Variants in KIF16B observed in about 807,000 individuals in gnomAD.
The protein encoded by KIF16B is kinesin family member 16B.
Under a neutral mutation model 156.3 loss-of-function variants are expected in KIF16B, and 98 were observed. That is an observed-to-expected ratio of 0.63 (90% CI 0.53 to 0.74). The LOEUF (loss-of-function observed/expected upper bound fraction) is 0.74, where lower values mean the gene tolerates loss of function less well. Ranked by LOEUF, KIF16B falls within the 30% of genes least tolerant of loss-of-function variation. The pLI, the probability that KIF16B is intolerant of heterozygous loss-of-function variation, is 0.00. For synonymous variants in KIF16B, 564 were observed against 583.7 expected (o/e 0.97, Z 0.49); for missense variants, 1,421 against 1,606.5 (o/e 0.88, Z 1.97).
chr20:16,439,249 C>G (rs1462355568), intron 12 of KIF16B, among the ~76,000 whole-genome samples: 1 of 152,176 alleles, frequency 6.6e-6, no homozygotes, highest in African/African-American at 2.4e-5. Context: ...TCACAGCCTG[C>G]CTGAATCTCT....
intron 22 of KIF16B, chr20:16,367,330 A>T (rs1186655319): frequency 6.2e-7 from 1 of 1,612,880 alleles, no homozygotes; most frequent in Non-Finnish European, 8.5e-7. Flanking sequence ...TGAAGGTTTG[A>T]GTTTCTGTAA....
intron 1 of KIF16B, among the ~76,000 whole-genome samples, chr20:16,564,946 A>T (rs898870719): frequency 6.6e-6 from 1 of 152,044 alleles, no homozygotes; most frequent in Non-Finnish European, 1.5e-5. Flanking sequence ...GTCAGGCGTG[A>T]CATTCTACTC....
intron 19 of KIF16B, 107 bp from the exon 20 acceptor site, chr20:16,374,516 T>C (rs1391647043): frequency 1.9e-6 from 2 of 1,080,910 alleles, no homozygotes; most frequent in African/African-American, 3.2e-5. Flanking sequence ...ATCTGTCCTC[T>C]GTGTGCAAAG....
intron 3 of KIF16B, among the ~76,000 whole-genome samples, chr20:16,524,791 G>A (rs1334424047): frequency 6.6e-6 from 1 of 152,152 alleles, no homozygotes; most frequent in Non-Finnish European, 1.5e-5. Context: ...GCCCATCAAT[G>A]ATAGACTGGA....
intron 24 of KIF16B, among the ~76,000 whole-genome samples, chr20:16,315,083 G>A: frequency 6.6e-6 from 1 of 152,090 alleles, no homozygotes; most frequent in East Asian, 1.9e-4. Context: ...ACACTCACAT[G>A]CTCAATCAGA....
chr20:16,442,348 GTATA>G lies in KIF16B; in HGVS notation c.1303-12370_1303-12367del, dbSNP rs60693181. ...ACCATTTCACAATGTGTGTGTGTGT[GTATA>G]TATATATATATATATAAAATAGGTG... On this transcript the variant is annotated intron_variant, in intron 12 of 25. Coordinates refer to ENST00000354981, the MANE Select transcript of KIF16B (RefSeq NM_024704.5). Among the ~76,000 whole-genome samples the G allele has an allele frequency of 3.1e-3, 461 of 149,694 alleles. 5 individuals are homozygous for G. The highest frequency in any genetic ancestry group is 0.025 in the Admixed American group (373 of 15,000).
Position 16,449,603 on chromosome 20 carries a change from C to T in KIF16B, c.1303-19621G>A, listed in dbSNP as rs6105604. ...AATAGAGGTGGGAGATGGTCTAAACCGAGTGGAAGCAAGCATTAAAACCAG... is the reference window on the plus strand; with the variant it reads ...AATAGAGGTGGGAGATGGTCTAAACTGAGTGGAAGCAAGCATTAAAACCAG... On this transcript the variant is annotated intron_variant, in intron 12 of 25. Transcript: ENST00000354981. Among the ~76,000 whole-genome samples the T allele has an allele frequency of 3.9e-5, 6 of 152,182 alleles. No homozygotes were observed. The East Asian group carries it at 9.6e-4, about 24-fold the overall frequency.
intron 25 of KIF16B, among the ~76,000 whole-genome samples, chr20:16,276,981 A>G (rs987759010): frequency 6.6e-6 from 1 of 152,240 alleles, no homozygotes; most frequent in African/African-American, 2.4e-5. Context: ...ATTATACAAC[A>G]CTTCCAGCCC....
intron 23 of KIF16B, among the ~76,000 whole-genome samples, chr20:16,351,327 A>G (rs962196650): frequency 2.0e-5 from 3 of 152,140 alleles, no homozygotes; most frequent in African/African-American, 7.2e-5. Context: ...CTTAACCATC[A>G]ATTTCCCAGG....
intron 25 of KIF16B, among the ~76,000 whole-genome samples, chr20:16,309,252 T>C (rs1272992805): frequency 3.3e-5 from 5 of 152,360 alleles, no homozygotes; most frequent in South Asian, 2.1e-4. Flanking sequence ...GTGGAGCAGA[T>C]AGAAGTTTGG....
chr20:16,449,926 A>G (rs1380758833), intron 12 of KIF16B, among the ~76,000 whole-genome samples: 1 of 152,236 alleles, frequency 6.6e-6, no homozygotes, highest in Non-Finnish European at 1.5e-5. Context: ...GAGGATAACT[A>G]TAAGAATGAA....
At chr20:16,361,492 G>A (rs543135938) in intron 22 of KIF16B, among the ~76,000 whole-genome samples, 19 of 152,166 alleles carry the variant, frequency 1.2e-4, no homozygotes, top group Non-Finnish European at 2.5e-4. Flanking sequence ...GTCTTCGAAG[G>A]CTTGGCAAAT....
chr20:16,293,540 G>A (rs2063341577), intron 25 of KIF16B, among the ~76,000 whole-genome samples: 1 of 152,154 alleles, frequency 6.6e-6, no homozygotes, highest in African/African-American at 2.4e-5. Context: ...AGCTACTAGA[G>A]AGGTGTTTCA....
At chr20:16,282,471 A>G (rs1160130096) in intron 25 of KIF16B, among the ~76,000 whole-genome samples, 1 of 151,906 alleles carries the variant, frequency 6.6e-6, no homozygotes, top group Non-Finnish European at 1.5e-5. Context: ...GTGACTTGGG[A>G]CCCCAGGGGA....
In KIF16B at chr20:16,380,080, C is replaced by A. The variant is rs747897403; in HGVS notation, c.1922G>T (p.Arg641Leu). ...GAGCTGCACGATTTCTGTCTCCTTG[C>A]GCTGGGTCTCCACCTCCTGCTGCAT... ...ERMQQEVETQ[R>L]KETEIVQLQI... Residue 641 changes from arginine to leucine, a missense_variant, in exon 19 of 26, where the codon CGC becomes CTC. Coordinates refer to ENST00000354981, the MANE Select transcript of KIF16B (RefSeq NM_024704.5). The A allele has an allele frequency of 6.5e-7, 1 of 1,542,080 alleles. No individual in the cohort carries two copies. The highest frequency in any genetic ancestry group is 8.7e-7 in the Non-Finnish European group (1 of 1,149,566).
intron 17 of KIF16B, among the ~76,000 whole-genome samples, chr20:16,396,906 G>C (rs200054520): frequency 2.0e-5 from 2 of 98,050 alleles, no homozygotes; most frequent in Non-Finnish European, 3.9e-5. Flanking sequence ...CCTGATTTTT[G>C]ATATTCTAAC....
Position 16,379,574 on chromosome 20 carries a change from C to T in KIF16B, c.2428G>A (p.Gly810Arg), listed in dbSNP as rs2236145. The T allele has an allele frequency of 0.023, 37,174 of 1,614,062 alleles. 618 individuals carry two copies. Among genetic ancestry groups the T allele is most frequent in the South Asian group, 0.051 (4,670 of 91,076 alleles). ...AACTCCTCGCCATCTTCATCCCCTC[C>T]GGCACGAGCCTCCTTCACCCGCAGG... is the stretch of plus-strand genomic sequence containing the variant. The part of the protein sequence containing the change: ...SLLRVKEARA[G>R]GDEDGEELEK... Residue 810 changes from glycine (G) to arginine (R), a missense_variant, in exon 19 of 26, where the codon GGA becomes AGA. By Grantham distance (125) the Gly-to-Arg change is moderately radical. Transcript: ENST00000354981.
In KIF16B at chr20:16,453,510, A is replaced by G. The variant is rs118179026; in HGVS notation, c.1303-23528T>C. 3.2e-3 allele frequency among the ~76,000 whole-genome samples: 482 copies of G among 152,282 alleles called. 3 individuals are homozygous for G. The highest frequency in any genetic ancestry group is 0.02 in the East Asian group (104 of 5,186). On this transcript the variant is annotated intron_variant, in intron 12 of 25. Coordinates refer to ENST00000354981, the MANE Select transcript of KIF16B (RefSeq NM_024704.5). ...CACACACATACAAACACCAAAGAAGATAAAATGGATAGACAAATAAAACAC... is the reference window on the plus strand; with the variant it reads ...CACACACATACAAACACCAAAGAAGGTAAAATGGATAGACAAATAAAACAC...
Position 16,381,674 on chromosome 20 carries a change from T to G in KIF16B, c.1838+20A>C, listed in dbSNP as rs1373080913. The G allele has an allele frequency of 6.2e-7, 1 of 1,605,184 alleles. No individual in the cohort carries two copies. Among genetic ancestry groups the G allele is most frequent in the Non-Finnish European group, 8.5e-7 (1 of 1,172,896 alleles). On this transcript the variant is annotated intron_variant, in intron 18 of 25. Coordinates refer to ENST00000354981, the MANE Select transcript of KIF16B (RefSeq NM_024704.5). The stretch of plus-strand genomic sequence containing the variant: ...ATCCAGACTACAGGAGTGTTGAAAC[T>G]TGAACCCCATGTGACTTACCTTTTA...
Sources: allele counts gnomAD v4.1 joint callset (sites outside exome capture counted in the v4.1 genomes callset), GRCh38; gene constraint gnomAD v4.1.1; transcripts MANE v1.5; gene names NCBI Gene and HGNC (gene_info 2026-07-23, HGNC 2026-07-21).